TCF20: variants seen among roughly 807,000 people sequenced by gnomAD.
TCF20 encodes the protein SPRE-binding protein.
In TCF20, 3 loss-of-function variants were observed where a neutral mutation model predicts 148.6. The ratio of observed to expected loss-of-function variants is 0.02; its 90% CI spans 0.01 to 0.05. The LOEUF (loss-of-function observed/expected upper bound fraction) is 0.05. Among genes scored for constraint, TCF20 ranks in the 10% least tolerant of loss-of-function variants. The pLI, the probability that TCF20 is intolerant of heterozygous loss-of-function variation, is 1.00. For missense variants in TCF20, 2,350 were observed against 2,429.3 expected, an observed-to-expected ratio of 0.97 and a Z score of 0.69; for synonymous variants, 1,049 against 909.5, an observed-to-expected ratio of 1.15 and a Z score of -2.76.
intron 1 of TCF20, among the ~76,000 whole-genome samples, chr22:42,300,333 A>C (rs902267285): frequency 1.3e-5 from 2 of 152,014 alleles, no homozygotes; most frequent in Non-Finnish European, 2.9e-5. Flanking sequence ...TATCAACAGA[A>C]GCCAGAAATC....
At chr22:42,273,214 G>T (rs1203041434), upstream of TCF20, among the ~76,000 whole-genome samples, 1 of 151,850 alleles carries the variant, frequency 6.6e-6, no homozygotes, top group African/African-American at 2.4e-5. Context: ...ACAAAAATTA[G>T]CTGGGCGTGG....
chr22:42,210,744 A>G lies in TCF20; in HGVS notation c.4562T>C (p.Ile1521Thr). The G allele has an allele frequency of 8.1e-6, 13 of 1,614,140 alleles. No homozygotes were observed. The highest frequency in any genetic ancestry group is 1.1e-5 in the Non-Finnish European group (13 of 1,180,028). Residue 1521 changes from isoleucine (I) to threonine (T), a missense_variant, in exon 2 of 6, where the codon ATT becomes ACT. Physicochemically the swap from Ile to Thr is moderately conservative, Grantham distance 89. Around this residue, in one of 7 missense-constraint regions of TCF20, gnomAD observed 231 missense variants for 213.7 expected, o/e 1.08. Coordinates refer to ENST00000677622, the MANE Select transcript of TCF20 (RefSeq NM_001378418.1). The surrounding 1 kb of genome is among the most constrained non-coding windows in gnomAD (Gnocchi z 4.7). ...AGGGAAACCCTCTTGCTTCGGTGAA[A>G]TCGTCACTGTATCGTTCTCCTTCTC... ...AEEKENDTVT[I>T]SPKQEGFPPK...
At chr22:42,233,082 G>A (rs537115407) in intron 1 of TCF20, among the ~76,000 whole-genome samples, 3 of 151,868 alleles carry the variant, frequency 2.0e-5, no homozygotes, top group Admixed American at 6.6e-5. Flanking sequence ...CACAATACCC[G>A]GCTAATTTTT....
intron 1 of TCF20, among the ~76,000 whole-genome samples, chr22:42,294,989 C>G (rs1056720084): frequency 6.6e-6 from 1 of 152,192 alleles, no homozygotes; most frequent in Non-Finnish European, 1.5e-5. Flanking sequence ...GAAACCTACG[C>G]GCTGCCTAGA....
intron 1 of TCF20, among the ~76,000 whole-genome samples, chr22:42,333,207 G>A (rs922052235): frequency 2.0e-5 from 3 of 152,248 alleles, no homozygotes; most frequent in African/African-American, 7.2e-5. Context: ...AGTGGCAGGA[G>A]CTGCCTCGCT....
intron 1 of TCF20, among the ~76,000 whole-genome samples, chr22:42,234,105 T>C (rs1923665468): frequency 6.6e-6 from 1 of 152,182 alleles, no homozygotes; most frequent in South Asian, 2.1e-4. Context: ...CGTTTAAAAT[T>C]CAAAATGCTC....
Position 42,212,784 on chromosome 22 carries a change from A to G in TCF20, c.2522T>C (p.Ile841Thr), listed in dbSNP as rs1368025354. Residue 841 changes from isoleucine (I) to threonine (T), a missense_variant, in exon 2 of 6, where the codon ATT becomes ACT. Transcript: ENST00000677622. ...MKQINLTDYPIPRKFEIEPQS... is the reference protein window; with the variant it reads ...MKQINLTDYPTPRKFEIEPQS... Reference sequence around the variant, plus strand: ...AGGCTCTATTTCAAACTTTCTGGGAATTGGATAGTCAGTCAAATTGATCTG... The same window carrying G: ...AGGCTCTATTTCAAACTTTCTGGGAGTTGGATAGTCAGTCAAATTGATCTG... 6.2e-7 allele frequency: 1 copy of G among 1,614,210 alleles called. No homozygotes were observed. Among genetic ancestry groups the G allele is most frequent in the Non-Finnish European group, 8.5e-7 (1 of 1,180,026 alleles).
intron 1 of TCF20, among the ~76,000 whole-genome samples, chr22:42,242,227 A>AC (rs1924499842): frequency 8.1e-6 from 1 of 122,704 alleles, no homozygotes; most frequent in Non-Finnish European, 1.7e-5. Context: ...AAAAAAAAAA[A>AC]CAGAAAAGAA....
intron 3 of TCF20, among the ~76,000 whole-genome samples, chr22:42,175,070 G>A (rs1012390038): frequency 2.2e-4 from 34 of 151,452 alleles, no homozygotes; most frequent in African/African-American, 7.3e-4. Flanking sequence ...TTTTCAACTA[G>A]AAACAAAACT....
At chr22:42,271,662 G>T (rs1202786038), upstream of TCF20, among the ~76,000 whole-genome samples, 1 of 152,138 alleles carries the variant, frequency 6.6e-6, no homozygotes, top group Non-Finnish European at 1.5e-5. Flanking sequence ...GTTTCCTGTG[G>T]GTGAGGAGAG....
At chr22:42,306,206 C>A (rs1927430848) in intron 1 of TCF20, among the ~76,000 whole-genome samples, 1 of 152,276 alleles carries the variant, frequency 6.6e-6, no homozygotes. Context: ...CCCCGCCTCG[C>A]AGAAAGCCTC....
chr22:42,273,220 C>T (rs980692269), upstream of TCF20, among the ~76,000 whole-genome samples: 4 of 151,518 alleles, frequency 2.6e-5, no homozygotes, highest in South Asian at 2.1e-4. Context: ...ATTAGCTGGG[C>T]GTGGTGGCGG....
At chr22:42,333,176 C>A (rs145924742) in intron 1 of TCF20, among the ~76,000 whole-genome samples, 4 of 152,046 alleles carry the variant, frequency 2.6e-5, no homozygotes, top group Admixed American at 6.5e-5. Flanking sequence ...CTTTAGAGGA[C>A]GGTGCACCCA....
chr22:42,179,315 C>G (rs1319228534), intron 3 of TCF20, among the ~76,000 whole-genome samples: 1 of 151,088 alleles, frequency 6.6e-6, no homozygotes, highest in Non-Finnish European at 1.5e-5. Context: ...GTGGAAGTAA[C>G]CCAAATGTAC....
intron 1 of TCF20, among the ~76,000 whole-genome samples, chr22:42,252,187 T>C (rs1432222176): frequency 6.7e-6 from 1 of 150,338 alleles, no homozygotes; most frequent in African/African-American, 2.5e-5. Context: ...CTTGGGAGGC[T>C]CAGGCAGGAG....
chr22:42,179,473 G>GT (rs1294464051), intron 3 of TCF20, 136 bp downstream of exon 3: 6 of 583,380 alleles, frequency 1.0e-5, no homozygotes, highest in Non-Finnish European at 1.4e-5. Flanking sequence ...TGGGTGGGAA[G>GT]TTTTTTTATG....
chr22:42,277,005 C>T (rs1401564857), intron 1 of TCF20: 1 of 152,170 alleles, frequency 6.6e-6, no homozygotes, highest in African/African-American at 2.4e-5. Context: ...AGCGGCTTCA[C>T]CATTCAAGTT....
intron 1 of TCF20, among the ~76,000 whole-genome samples, chr22:42,222,840 G>C (rs1355910455): frequency 6.6e-6 from 1 of 152,120 alleles, no homozygotes; most frequent in African/African-American, 2.4e-5. Context: ...CAGTATCTAA[G>C]GTATGTACCA....
chr22:42,215,422 A>C, intron 1 of TCF20, 81 bp from the exon 2 acceptor site: 4 of 1,473,010 alleles, frequency 2.7e-6, no homozygotes, highest in Non-Finnish European at 3.6e-6. Context: ...GGAGGGAATA[A>C]AGATGAATCA....
Sources: gnomAD v4.1 joint callset for allele counts (sites outside exome capture counted in the v4.1 genomes callset) on GRCh38, gnomAD v4.1.1 for gene constraint, gnomAD v4.1.1 regional missense constraint, Gnocchi (gnomAD v3.1) non-coding constraint, MANE v1.5 for transcripts, NCBI Gene and HGNC (gene_info 2026-07-23, HGNC 2026-07-21) for gene names.